The following SEMA6D variants were observed in gnomAD, a reference collection of about 807,000 sequenced individuals.
SEMA6D encodes the protein semaphorin-6D.
A neutral mutation model predicts 106.6 loss-of-function variants in SEMA6D; 35 were observed. The ratio of observed to expected loss-of-function variants is 0.33; its 90% CI spans 0.25 to 0.44. SEMA6D has a LOEUF of 0.44. SEMA6D is among the 20% of genes least tolerant of loss of function. SEMA6D has a pLI of 1.00. For missense variants in SEMA6D, 1,185 were observed against 1,345.9 expected (o/e 0.88, Z 1.87); for synonymous variants, 499 against 487.7 (o/e 1.02, Z -0.31).
chr15:47,272,815 A>G (rs536527022), intron 1 of SEMA6D: 1 of 152,584 alleles, frequency 6.6e-6, no homozygotes, highest in South Asian at 2.1e-4. Flanking sequence ...TAGAACCTCC[A>G]AACAAGCTCT....
intron 4 of SEMA6D, among the ~76,000 whole-genome samples, chr15:47,685,491 G>C (rs2078448774): frequency 6.6e-6 from 1 of 152,202 alleles, no homozygotes; most frequent in Non-Finnish European, 1.5e-5. Context: ...TTGAAGGGGT[G>C]AGGAAGGAGA....
chr15:47,410,467 A>G (rs1203210409), intron 1 of SEMA6D, among the ~76,000 whole-genome samples: 2 of 152,132 alleles, frequency 1.3e-5, no homozygotes, highest in African/African-American at 2.4e-5. Flanking sequence ...TCCCCTTTTA[A>G]ATGTTATAGC....
chr15:47,327,946 TTTG>T (rs1173427995), intron 1 of SEMA6D, among the ~76,000 whole-genome samples: 1 of 152,226 alleles, frequency 6.6e-6, no homozygotes. Flanking sequence ...ACCTATTATG[TTTG>T]TTATCATTAT....
At chr15:47,725,529 C>A (rs1440753162) in intron 1 of SEMA6D, among the ~76,000 whole-genome samples, 5 of 152,094 alleles carry the variant, frequency 3.3e-5, no homozygotes, top group Non-Finnish European at 7.4e-5. Flanking sequence ...CTAACGGTCC[C>A]CAGTCCCCCA....
At chr15:47,346,476 C>T (rs530936529) in intron 1 of SEMA6D, among the ~76,000 whole-genome samples, 1 of 152,212 alleles carries the variant, frequency 6.6e-6, no homozygotes, top group Admixed American at 6.5e-5. Flanking sequence ...CTTTTGTCTC[C>T]GGGCTGTAGC....
At chr15:47,722,101 C>T (rs13313523) in intron 1 of SEMA6D, among the ~76,000 whole-genome samples, 1 of 152,146 alleles carries the variant, frequency 6.6e-6, no homozygotes, top group East Asian at 1.9e-4. Context: ...GGGGTCACAG[C>T]TACTGAAAGT....
chr15:47,637,087 T>C (rs760136677), intron 4 of SEMA6D, among the ~76,000 whole-genome samples: 2 of 152,162 alleles, frequency 1.3e-5, no homozygotes, highest in Admixed American at 6.5e-5. Flanking sequence ...CATATTTGGC[T>C]CTGAGCAACT....
At chr15:47,287,809 A>G (rs1037512094) in intron 1 of SEMA6D, among the ~76,000 whole-genome samples, 3 of 152,146 alleles carry the variant, frequency 2.0e-5, no homozygotes, top group African/African-American at 4.8e-5. Context: ...ATTGCTATGA[A>G]GAAGTGCCTG....
chr15:47,683,683 A>G (rs1305578686), intron 4 of SEMA6D, among the ~76,000 whole-genome samples: 2 of 152,236 alleles, frequency 1.3e-5, no homozygotes, highest in South Asian at 2.1e-4. Context: ...TGTTTTCACA[A>G]GCAGACATCA....
chr15:47,610,690 C>T (rs545441740), intron 4 of SEMA6D, among the ~76,000 whole-genome samples: 1 of 152,228 alleles, frequency 6.6e-6, no homozygotes, highest in East Asian at 1.9e-4. Flanking sequence ...TTTTTCTTTT[C>T]CAAATTCTTA....
rs71299525 is a variant in SEMA6D, at chr15:47,469,299, G to GGTGTGTGTGT, written c.-158-1158_-158-1149dup. On this transcript the variant is annotated intron_variant, in intron 2 of 19. Coordinates refer to the SEMA6D transcript ENST00000558014. The stretch of plus-strand genomic sequence containing the variant: ...GAATGCCTGAGGACAGTTGCTTTAA[G>GGTGTGTGTGT]GTGTGTGTGTGTGTGTGTGTGTGTG... Among the ~76,000 whole-genome samples the GGTGTGTGTGT allele has an allele frequency of 4.4e-3, 662 of 149,442 alleles. 2 individuals are homozygous for GGTGTGTGTGT. Among genetic ancestry groups the GGTGTGTGTGT allele is most frequent in the African/African-American group, 0.015 (618 of 40,742 alleles).
intron 2 of SEMA6D, among the ~76,000 whole-genome samples, chr15:47,454,965 T>C (rs1445023917): frequency 6.6e-6 from 1 of 151,858 alleles, no homozygotes; most frequent in Non-Finnish European, 1.5e-5. Context: ...TTCCACTCTA[T>C]GATAGAAGGG....
At chr15:47,307,008 T>C (rs1363292603) in intron 1 of SEMA6D, among the ~76,000 whole-genome samples, 1 of 152,214 alleles carries the variant, frequency 6.6e-6, no homozygotes, top group Non-Finnish European at 1.5e-5. Flanking sequence ...AGTTTTTACA[T>C]ACACAACCCA....
chr15:47,275,172 A>G (rs1010565407), intron 1 of SEMA6D: 1 of 152,172 alleles, frequency 6.6e-6, no homozygotes, highest in African/African-American at 2.4e-5. Context: ...AGGGTGTCAT[A>G]TTTAGCTTCA....
chr15:47,430,871 A>T (rs2041500725), intron 2 of SEMA6D, among the ~76,000 whole-genome samples: 1 of 152,126 alleles, frequency 6.6e-6, no homozygotes, highest in Non-Finnish European at 1.5e-5. Flanking sequence ...GATGAATTGC[A>T]GGAGCAAGGC....
intron 1 of SEMA6D, among the ~76,000 whole-genome samples, chr15:47,330,629 G>A (rs183278261): frequency 2.6e-5 from 4 of 152,298 alleles, no homozygotes; most frequent in South Asian, 2.1e-4. Context: ...ATCAGAATCC[G>A]TGGACTCACA....
intron 3 of SEMA6D, among the ~76,000 whole-genome samples, chr15:47,589,040 A>G (rs981759763): frequency 6.6e-6 from 1 of 152,206 alleles, no homozygotes; most frequent in Non-Finnish European, 1.5e-5. Context: ...ACCAAATGTC[A>G]ATAGTACTGA....
At chr15:47,368,282 G>A (rs2039135397) in intron 1 of SEMA6D, among the ~76,000 whole-genome samples, 1 of 152,132 alleles carries the variant, frequency 6.6e-6, no homozygotes, top group Non-Finnish European at 1.5e-5. Context: ...TGGTCAGAAA[G>A]CCTTGAGTCT....
chr15:47,533,595 G>A (rs1000549524), intron 3 of SEMA6D, among the ~76,000 whole-genome samples: 3 of 152,172 alleles, frequency 2.0e-5, no homozygotes, highest in Non-Finnish European at 4.4e-5. Flanking sequence ...AGTTCACTGA[G>A]CCGAGATGAG....
Sources: allele counts gnomAD v4.1 joint callset (sites outside exome capture counted in the v4.1 genomes callset), GRCh38; gene constraint gnomAD v4.1.1; transcripts MANE v1.5; gene names NCBI Gene and HGNC (gene_info 2026-07-23, HGNC 2026-07-21).